Variants in ELAPOR2 observed in about 807,000 individuals in gnomAD.
The protein encoded by ELAPOR2 is endosome-lysosome associated apoptosis and autophagy regulator family member 2.
A neutral mutation model predicts 120.7 loss-of-function variants in ELAPOR2; 89 were observed. The ratio of observed to expected loss-of-function variants is 0.74; its 90% CI spans 0.62 to 0.88. ELAPOR2 has a LOEUF of 0.88. Ranked by LOEUF, ELAPOR2 falls within the 40% of genes least tolerant of loss-of-function variation. ELAPOR2 has a pLI of 0.00. For synonymous variants in ELAPOR2, 444 were observed against 444.9 expected (o/e 1.00, Z 0.03); for missense variants, 1,134 against 1,251.6 (o/e 0.91, Z 1.42).
At chr7:86,898,148 A>T (rs1051753640) in intron 18 of ELAPOR2, among the ~76,000 whole-genome samples, 1 of 152,196 alleles carries the variant, frequency 6.6e-6, no homozygotes, top group African/African-American at 2.4e-5. Flanking sequence ...GTATAAAGGA[A>T]TATTATTCAG....
intron 1 of ELAPOR2, among the ~76,000 whole-genome samples, chr7:86,972,602 TG>T (rs1157617274): frequency 1.3e-5 from 2 of 151,310 alleles, no homozygotes; most frequent in African/African-American, 4.9e-5. Context: ...AAAAGTTTTT[TG>T]TTTTTTTTTT....
At chr7:86,967,214 C>A (rs931836081) in intron 1 of ELAPOR2, among the ~76,000 whole-genome samples, 2 of 152,140 alleles carry the variant, frequency 1.3e-5, no homozygotes, top group Non-Finnish European at 2.9e-5. Flanking sequence ...AATCCCAGCA[C>A]TTTGGGATGC....
chr7:87,025,128 T>C (rs961472997), intron 1 of ELAPOR2, among the ~76,000 whole-genome samples: 4 of 152,050 alleles, frequency 2.6e-5, no homozygotes, highest in African/African-American at 9.7e-5. Flanking sequence ...TCTTGAGGAA[T>C]ACTAAGTATT....
intron 2 of ELAPOR2, among the ~76,000 whole-genome samples, chr7:86,951,168 T>C (rs1791229278): frequency 6.6e-6 from 1 of 152,140 alleles, no homozygotes; most frequent in African/African-American, 2.4e-5. Flanking sequence ...TGAAACCCAA[T>C]CCCGATCATT....
intron 9 of ELAPOR2, 40 bp from the exon 10 acceptor site, chr7:86,925,696 G>A (rs1562926083): frequency 6.3e-7 from 1 of 1,588,194 alleles, no homozygotes; most frequent in East Asian, 2.2e-5. Context: ...AAATTAAACT[G>A]CATATGGACA....
intron 1 of ELAPOR2, among the ~76,000 whole-genome samples, chr7:87,017,578 AAC>A (rs1224556472): frequency 6.6e-6 from 1 of 152,288 alleles, no homozygotes; most frequent in Middle Eastern, 3.4e-3. Context: ...TTTTATAATA[AAC>A]ACATATTTTT....
chr7:87,034,055 C>A (rs1794502394), intron 1 of ELAPOR2, among the ~76,000 whole-genome samples: 3 of 152,086 alleles, frequency 2.0e-5, no homozygotes, highest in Admixed American at 2.0e-4. Context: ...AAGTTCATGT[C>A]ATATTTTTAA....
chr7:86,904,805 A>G (rs1349997729), intron 18 of ELAPOR2, among the ~76,000 whole-genome samples: 1 of 152,158 alleles, frequency 6.6e-6, no homozygotes, highest in Non-Finnish European at 1.5e-5. Flanking sequence ...ACACCAAGAT[A>G]TAAAACCCCA....
chr7:87,021,896 G>A (rs1794051572), intron 1 of ELAPOR2, among the ~76,000 whole-genome samples: 1 of 152,210 alleles, frequency 6.6e-6, no homozygotes, highest in South Asian at 2.1e-4. Flanking sequence ...AGATTAAAAT[G>A]AGGCAAACAG....
chr7:87,049,101 G>A (rs1562986322), intron 1 of ELAPOR2, among the ~76,000 whole-genome samples: 1 of 152,104 alleles, frequency 6.6e-6, no homozygotes, highest in Non-Finnish European at 1.5e-5. Flanking sequence ...ACTCTTCAAT[G>A]TGCTAGGGAT....
At chr7:86,960,290 G>A (rs185580858) in intron 2 of ELAPOR2, among the ~76,000 whole-genome samples, 126 of 152,174 alleles carry the variant, frequency 8.3e-4, no homozygotes, top group African/African-American at 2.6e-3. Context: ...TCACTCTGTC[G>A]CCCAGGCTGG....
intron 2 of ELAPOR2, among the ~76,000 whole-genome samples, chr7:86,959,085 A>G (rs1273354084): frequency 6.6e-6 from 1 of 152,164 alleles, no homozygotes; most frequent in Admixed American, 6.5e-5. Flanking sequence ...TGATGCTATT[A>G]TACATAGGAT....
At position 86,986,196 on chromosome 7, in the gene ELAPOR2, G is replaced by A. The variant is rs1288282692; in HGVS notation, c.190-21172C>T. ...TGTAATCCCAGCACTTTGGGAGGCC[G>A]AGGCGGGCGGATCACGAGGTCAGGA... On this transcript the variant is annotated intron_variant, in intron 1 of 21. Coordinates refer to ENST00000450689, the MANE Select transcript of ELAPOR2 (RefSeq NM_001142749.3). 1.6e-4 allele frequency among the ~76,000 whole-genome samples: 19 copies of A among 121,314 alleles called. 6 individuals carry two copies. Among genetic ancestry groups the A allele is most frequent in the Non-Finnish European group, 2.5e-4 (15 of 59,100 alleles). 79.6% of individuals were successfully genotyped at this position (121,314 alleles called of 152,430 possible). A position where few individuals can be genotyped will look rare whatever the true frequency, so the allele number is the denominator to read the frequency against.
chr7:87,056,464 C>T (rs779644723), intron 1 of ELAPOR2, among the ~76,000 whole-genome samples: 41 of 152,234 alleles, frequency 2.7e-4, no homozygotes, highest in Non-Finnish European at 3.5e-4. Context: ...ACATCCTATT[C>T]TTGTGCTTCA....
intron 1 of ELAPOR2, among the ~76,000 whole-genome samples, chr7:87,018,076 G>A (rs1307754099): frequency 6.6e-6 from 1 of 151,962 alleles, no homozygotes; most frequent in African/African-American, 2.4e-5. Flanking sequence ...TGTCGCCCAG[G>A]TTGGTGCCAG....
chr7:87,040,392 C>G (rs1794741606), intron 1 of ELAPOR2, among the ~76,000 whole-genome samples: 1 of 152,236 alleles, frequency 6.6e-6, no homozygotes, highest in Admixed American at 6.5e-5. Flanking sequence ...TTGAAGAGAG[C>G]AGTGGTTCTC....
At position 86,907,678 on chromosome 7, in the gene ELAPOR2, T is replaced by G; in HGVS notation, c.2550A>C (p.Ser850=). ...TATGGAAATAAGGATACCTGGGGAC[T>G]GAAATCACTCCTGCTCCAGATTTAG... ...NPTKSGAGVI[S]VPSKCPAGTC... The change falls in exon 18 of 22, where the codon TCA becomes TCC. Residue 850 remains serine (S), a synonymous_variant. Coordinates refer to ENST00000450689, the MANE Select transcript of ELAPOR2 (RefSeq NM_001142749.3). 1 of 1,571,364 alleles carries G rather than the reference T, an allele frequency of 6.4e-7. No individual in the cohort carries two copies. Among genetic ancestry groups the G allele is most frequent in the Non-Finnish European group, 8.6e-7 (1 of 1,163,986 alleles).
chr7:86,918,511 A>C lies in ELAPOR2; in HGVS notation c.1524T>G (p.Ser508=). 6.2e-7 allele frequency: 1 copy of C among 1,613,098 alleles called. No homozygotes were observed. Among genetic ancestry groups the C allele is most frequent in the Non-Finnish European group, 8.5e-7 (1 of 1,179,208 alleles). ...AGACAAATGTTATTCTTCCTAGTTC[A>C]GAACCCGTGGCTCCAGTCATAGATG... The part of the protein sequence containing the change: ...PPTSMTGATG[S]ELGRITFVFE... The change falls in exon 12 of 22, where the codon TCT becomes TCG. Residue 508 remains serine, a synonymous_variant. Coordinates refer to ENST00000450689, the MANE Select transcript of ELAPOR2 (RefSeq NM_001142749.3).
chr7:86,907,807 T>C (rs376528934), intron 17 of ELAPOR2, 36 bp from the exon 18 acceptor site: 5 of 1,238,558 alleles, frequency 4.0e-6, no homozygotes, highest in African/African-American at 3.2e-5. Flanking sequence ...AAAAAACAGA[T>C]ATAATACAGA....
Sources: allele counts gnomAD v4.1 joint callset (sites outside exome capture counted in the v4.1 genomes callset), GRCh38; gene constraint gnomAD v4.1.1; transcripts MANE v1.5; gene names NCBI Gene and HGNC (gene_info 2026-07-23, HGNC 2026-07-21).